Variants in SORCS3 observed in about 807,000 individuals in gnomAD.
SORCS3 encodes the protein sortilin related VPS10 domain containing receptor 3.
Under a neutral mutation model 146.3 loss-of-function variants are expected in SORCS3, and 57 were observed. The observed-to-expected ratio is 0.39, with a 90% CI of 0.31 to 0.49. SORCS3 has a LOEUF of 0.49. SORCS3 is among the 20% of genes least tolerant of loss of function. The pLI is 0.92. For missense variants in SORCS3, 1,341 were observed against 1,575.5 expected (o/e 0.85, Z 2.52); for synonymous variants, 653 against 618.5 (o/e 1.06, Z -0.83).
In SORCS3 at chr10:104,940,685, A is replaced by G. The variant is rs547315130; in HGVS notation, c.795+24753A>G. On this transcript the variant is annotated intron_variant, in intron 3 of 26. Coordinates refer to ENST00000369701, the MANE Select transcript of SORCS3 (RefSeq NM_014978.3). ...TGGTTCCAAGTCTTTGCTGTTGTGA[A>G]TAGTGCCGCAGTAAACATACGTGTG... Among the ~76,000 whole-genome samples the G allele has an allele frequency of 4.7e-4, 71 of 152,196 alleles. No homozygotes were observed. The South Asian group carries it at 0.014, about 30-fold the overall frequency.
chr10:104,938,342 G>A (rs895056172), intron 3 of SORCS3, among the ~76,000 whole-genome samples: 1 of 152,156 alleles, frequency 6.6e-6, no homozygotes, highest in Non-Finnish European at 1.5e-5. Context: ...TTCCTACTCT[G>A]ATCAAAATCT....
intron 4 of SORCS3, among the ~76,000 whole-genome samples, chr10:105,027,685 C>A (rs1445357876): frequency 6.6e-6 from 1 of 152,190 alleles, no homozygotes; most frequent in African/African-American, 2.4e-5. Context: ...CTGGCTCCAG[C>A]TCTGATGCTG....
intron 6 of SORCS3, among the ~76,000 whole-genome samples, chr10:105,101,542 A>G (rs2055785092): frequency 1.3e-5 from 2 of 152,204 alleles, no homozygotes; most frequent in African/African-American, 2.4e-5. Context: ...CTTCCTGTTA[A>G]ATTGGACCTT....
intron 20 of SORCS3, among the ~76,000 whole-genome samples, chr10:105,224,105 A>G (rs1217165813): frequency 6.6e-6 from 1 of 152,206 alleles, no homozygotes; most frequent in Non-Finnish European, 1.5e-5. Context: ...CTCAAAGTCC[A>G]TAGTTTACTT....
intron 7 of SORCS3, among the ~76,000 whole-genome samples, chr10:105,131,984 C>G (rs2056022768): frequency 6.6e-6 from 1 of 152,112 alleles, no homozygotes. Context: ...CACATCCAAA[C>G]TATATCAGTG....
intron 2 of SORCS3, among the ~76,000 whole-genome samples, chr10:104,877,334 C>T (rs1362469656): frequency 1.3e-5 from 2 of 152,078 alleles, no homozygotes; most frequent in Non-Finnish European, 2.9e-5. Flanking sequence ...TTGCCCAGCC[C>T]CAGTTCCTTC....
intron 9 of SORCS3, among the ~76,000 whole-genome samples, chr10:105,148,105 C>T (rs969646390): frequency 1.3e-5 from 2 of 152,092 alleles, no homozygotes; most frequent in African/African-American, 2.4e-5. Flanking sequence ...GGTATTTGGC[C>T]TAGGTGATTT....
At chr10:105,115,498 A>G (rs1439305230) in intron 7 of SORCS3, among the ~76,000 whole-genome samples, 1 of 152,220 alleles carries the variant, frequency 6.6e-6, no homozygotes, top group African/African-American at 2.4e-5. Context: ...GATTCAATTC[A>G]TGTATCAACA....
intron 1 of SORCS3, among the ~76,000 whole-genome samples, chr10:104,752,664 A>G (rs1321700218): frequency 6.6e-6 from 1 of 152,218 alleles, no homozygotes; most frequent in Non-Finnish European, 1.5e-5. Context: ...CAGTGATTAA[A>G]ATATAACTTC....
chr10:104,668,035 C>G (rs1376439885), intron 1 of SORCS3, among the ~76,000 whole-genome samples: 2 of 152,140 alleles, frequency 1.3e-5, no homozygotes, highest in African/African-American at 4.8e-5. Context: ...TCGTGGCACT[C>G]CTAGGATTTA....
intron 1 of SORCS3, among the ~76,000 whole-genome samples, chr10:104,820,485 G>C (rs1221761201): frequency 6.6e-6 from 1 of 152,124 alleles, no homozygotes; most frequent in Non-Finnish European, 1.5e-5. Flanking sequence ...TCATAACAAA[G>C]ATCAAGAGGC....
At chr10:104,852,604 G>T (rs761930442) in intron 2 of SORCS3, among the ~76,000 whole-genome samples, 1 of 152,214 alleles carries the variant, frequency 6.6e-6, no homozygotes, top group Non-Finnish European at 1.5e-5. Flanking sequence ...CTGATCCAAG[G>T]CACTTTATGG....
intron 4 of SORCS3, among the ~76,000 whole-genome samples, chr10:105,042,575 A>AGCCTT (rs142099199): frequency 0.013 from 1,936 of 152,244 alleles, 24 homozygotes; most frequent in African/African-American, 0.034. Flanking sequence ...AGAGTGGCCT[A>AGCCTT]GCCATCTTGC....
chr10:104,762,215 C>T (rs2017129328), intron 1 of SORCS3, among the ~76,000 whole-genome samples: 1 of 152,168 alleles, frequency 6.6e-6, no homozygotes, highest in Non-Finnish European at 1.5e-5. Context: ...GATTTCATCT[C>T]CTCATCTTTT....
intron 2 of SORCS3, among the ~76,000 whole-genome samples, chr10:104,908,697 A>T (rs1299958705): frequency 6.6e-6 from 1 of 152,248 alleles, no homozygotes; most frequent in Non-Finnish European, 1.5e-5. Context: ...AATTGCTGAA[A>T]ATATCAAAAG....
rs78766523 is a variant in SORCS3, at chr10:104,700,409, T to C, written c.627+58455T>C. Among the ~76,000 whole-genome samples the C allele has an allele frequency of 7.3e-3, 1,053 of 144,040 alleles. 14 individuals carry two copies. The highest frequency in any genetic ancestry group is 0.025 in the African/African-American group (1,002 of 40,640). The allele number at this position is 144,040 out of a possible 152,430, so 94.5% of individuals were successfully genotyped here. A position where few individuals can be genotyped will look rare whatever the true frequency, so the allele number is the denominator to read the frequency against. On this transcript the variant is annotated intron_variant, in intron 1 of 26. Transcript: ENST00000369701. The stretch of plus-strand genomic sequence containing the variant: ...TCATGTTCCAGCAGACTCCATGTGA[T>C]GGGAAACGTGTGTTCTGGCAATTTA...
intron 2 of SORCS3, among the ~76,000 whole-genome samples, chr10:104,879,284 C>T (rs142888313): frequency 5.3e-5 from 8 of 152,050 alleles, no homozygotes; most frequent in African/African-American, 1.9e-4. Flanking sequence ...AATCTACTTC[C>T]TTGCTTTTTT....
At chr10:104,947,118 G>A (rs976175149) in intron 3 of SORCS3, among the ~76,000 whole-genome samples, 2 of 152,142 alleles carry the variant, frequency 1.3e-5, no homozygotes, top group African/African-American at 4.8e-5. Flanking sequence ...GTGGCCTAAT[G>A]TGCTACCCTT....
At chr10:104,689,763 G>A (rs2016091436) in intron 1 of SORCS3, among the ~76,000 whole-genome samples, 1 of 152,130 alleles carries the variant, frequency 6.6e-6, no homozygotes, top group African/African-American at 2.4e-5. Flanking sequence ...ACCTGGCCCA[G>A]TGCCATTTGC....
Sources: allele counts gnomAD v4.1 joint callset (sites outside exome capture counted in the v4.1 genomes callset), GRCh38; gene constraint gnomAD v4.1.1; transcripts MANE v1.5; gene names NCBI Gene and HGNC (gene_info 2026-07-23, HGNC 2026-07-21).